Variants in TENM3 observed in about 807,000 individuals in gnomAD.
TENM3 encodes the protein teneurin transmembrane protein 3, also known as teneurin-3.
TENM3 carries 63 observed loss-of-function variants against 255.1 expected under a neutral mutation model. That is an observed-to-expected ratio of 0.25 (90% CI 0.20 to 0.30). The LOEUF (loss-of-function observed/expected upper bound fraction) is 0.30, where lower values mean the gene tolerates loss of function less well. Among genes scored for constraint, TENM3 ranks in the 10% least tolerant of loss-of-function variants. TENM3 has a pLI of 1.00. For synonymous variants in TENM3, 1,306 were observed against 1,322.3 expected (o/e 0.99, Z 0.27); for missense variants, 2,929 against 3,461.1 (o/e 0.85, Z 3.86).
the TENM3 span, among the ~76,000 whole-genome samples, chr4:181,573,625 G>A: frequency 6.6e-6 from 1 of 152,154 alleles, no homozygotes; most frequent in African/African-American, 2.4e-5. Flanking sequence ...GTGTCACCTG[G>A]CAGAGATTTC....
the TENM3 span, among the ~76,000 whole-genome samples, chr4:182,075,191 G>GTTTT: frequency 1.0e-4 from 12 of 116,684 alleles, no homozygotes; most frequent in South Asian, 2.8e-4. Flanking sequence ...GTGGACACTT[G>GTTTT]TTTTTTTTCT....
At chr4:182,373,562 T>TA (rs1561378582) in intron 3 of TENM3, among the ~76,000 whole-genome samples, 1 of 152,126 alleles carries the variant, frequency 6.6e-6, no homozygotes, top group Non-Finnish European at 1.5e-5. Flanking sequence ...CTGCATGAAC[T>TA]AATAGGGTGA....
chr4:181,599,851 T>C, the TENM3 span, among the ~76,000 whole-genome samples: 6 of 152,352 alleles, frequency 3.9e-5, no homozygotes, highest in African/African-American at 1.4e-4. Flanking sequence ...TTTTACTTAT[T>C]TATTACACAA....
At chr4:181,759,511 G>A in the TENM3 span, among the ~76,000 whole-genome samples, 1 of 152,104 alleles carries the variant, frequency 6.6e-6, no homozygotes. Flanking sequence ...AACAAAAGGA[G>A]TATTATGGAA....
chr4:182,463,011 A>G lies in TENM3; in HGVS notation c.511+116082A>G, dbSNP rs111793000. ...CCATGTATACTAAAGGCCTGCAGTC[A>G]TCCTACACAACCCACATCTAGTCAG... On this transcript the variant is annotated intron_variant, in intron 3 of 27. Transcript: ENST00000511685. Among the ~76,000 whole-genome samples, 1,122 of 152,190 alleles carry G rather than the reference A, an allele frequency of 7.4e-3. 13 individuals carry two copies. The highest frequency in any genetic ancestry group is 0.026 in the African/African-American group (1,060 of 41,526).
the TENM3 span, among the ~76,000 whole-genome samples, chr4:181,656,748 C>T: frequency 2.0e-5 from 3 of 148,348 alleles, no homozygotes. Flanking sequence ...AGGAAGAAGA[C>T]GTAATAGAAA....
chr4:181,518,401 G>T, the TENM3 span, among the ~76,000 whole-genome samples: 1 of 151,920 alleles, frequency 6.6e-6, no homozygotes, highest in Non-Finnish European at 1.5e-5. Flanking sequence ...GATAGGACTT[G>T]TTTTTTGTTG....
At chr4:182,757,330 A>T (rs1303889118) in intron 22 of TENM3, among the ~76,000 whole-genome samples, 1 of 151,512 alleles carries the variant, frequency 6.6e-6, no homozygotes, top group African/African-American at 2.4e-5. Flanking sequence ...AAAAAAAAAA[A>T]AAAAAAAGAT....
chr4:181,960,004 G>T, the TENM3 span, among the ~76,000 whole-genome samples: 2 of 152,166 alleles, frequency 1.3e-5, no homozygotes, highest in South Asian at 2.1e-4. Context: ...TCAAGGGCAA[G>T]TTACACAGAT....
chr4:182,157,911 C>T (rs1352255934), intron 1 of TENM3, among the ~76,000 whole-genome samples: 1 of 152,204 alleles, frequency 6.6e-6, no homozygotes, highest in African/African-American at 2.4e-5. Flanking sequence ...ATTAAATTTT[C>T]ACATCTACCA....
At chr4:182,656,263 C>G (rs1025107787) in intron 6 of TENM3, among the ~76,000 whole-genome samples, 10 of 152,182 alleles carry the variant, frequency 6.6e-5, no homozygotes, top group African/African-American at 2.2e-4. Flanking sequence ...CATGGAAAAG[C>G]TATCTCTCTC....
the TENM3 span, among the ~76,000 whole-genome samples, chr4:181,482,282 G>A: frequency 6.6e-6 from 1 of 152,104 alleles, no homozygotes; most frequent in Non-Finnish European, 1.5e-5. Flanking sequence ...CCGAAAATCA[G>A]TCTCACACAT....
At chr4:181,875,045 G>A in the TENM3 span, among the ~76,000 whole-genome samples, 52 of 152,278 alleles carry the variant, frequency 3.4e-4, 1 homozygote, top group South Asian at 9.1e-3. Flanking sequence ...ATGTGTTGAC[G>A]TGCTTCTGCT....
chr4:181,981,115 C>T, the TENM3 span, among the ~76,000 whole-genome samples: 1 of 152,132 alleles, frequency 6.6e-6, no homozygotes, highest in Non-Finnish European at 1.5e-5. Context: ...TTTTAATGTT[C>T]TCTTCCCTCT....
chr4:182,673,172 T>C lies in TENM3; in HGVS notation c.1279T>C (p.Leu427=). ...KFNISLQKDA[L]IGVYGRKGLP... The stretch of plus-strand genomic sequence containing the variant: ...CAATATCTCTCTTCAGAAGGATGCA[T>C]TGATTGGAGTATATGGCCGGAAAGG... The change falls in exon 7 of 28, where the codon TTG becomes CTG. Residue 427 remains leucine, a synonymous_variant. Transcript: ENST00000511685. 6.2e-7 allele frequency: 1 copy of C among 1,613,856 alleles called. No individual in the cohort carries two copies.
intron 12 of TENM3, among the ~76,000 whole-genome samples, chr4:182,712,363 T>G (rs894452966): frequency 2.0e-5 from 3 of 151,718 alleles, no homozygotes; most frequent in African/African-American, 7.3e-5. Flanking sequence ...ATATACCAAC[T>G]CCTACGTGCA....
At chr4:182,794,123 A>T (rs1766315851) in intron 26 of TENM3, among the ~76,000 whole-genome samples, 1 of 152,192 alleles carries the variant, frequency 6.6e-6, no homozygotes, top group African/African-American at 2.4e-5. Context: ...TTTTGAAATG[A>T]CATGTACTCA....
the TENM3 span, among the ~76,000 whole-genome samples, chr4:181,677,482 G>T: frequency 6.6e-6 from 1 of 152,084 alleles, no homozygotes; most frequent in Non-Finnish European, 1.5e-5. Context: ...AAGTCCTCTG[G>T]TCTTTTAATG....
the TENM3 span, among the ~76,000 whole-genome samples, chr4:181,656,808 G>C: frequency 1.3e-5 from 2 of 152,172 alleles, no homozygotes; most frequent in Admixed American, 1.3e-4. Flanking sequence ...GAAGCCAAGG[G>C]AGTAAGGATT....
Sources: allele counts gnomAD v4.1 joint callset (sites outside exome capture counted in the v4.1 genomes callset), GRCh38; gene constraint gnomAD v4.1.1; transcripts MANE v1.5; gene names NCBI Gene and HGNC (gene_info 2026-07-23, HGNC 2026-07-21).